The following CLYBL variants were observed in gnomAD, a reference collection of about 807,000 sequenced individuals.
CLYBL encodes citramalyl-CoA lyase, mitochondrial.
In CLYBL, 31 loss-of-function variants were observed where a neutral mutation model predicts 38.9. The observed-to-expected ratio is 0.80, with a 90% CI of 0.60 to 1.08. The LOEUF is 1.08. Among genes scored for constraint, CLYBL ranks in the 50% least tolerant of loss-of-function variants. The probability of loss-of-function intolerance (pLI) is 0.00; values close to 1 mark genes in which losing one functional copy is unlikely to be tolerated. For missense variants in CLYBL, 434 were observed against 411.6 expected, an observed-to-expected ratio of 1.05 and a Z score of -0.47; for synonymous variants, 171 against 158.6, an observed-to-expected ratio of 1.08 and a Z score of -0.59.
At chr13:99,792,707 G>C (rs1293415577) in intron 2 of CLYBL, among the ~76,000 whole-genome samples, 1 of 151,994 alleles carries the variant, frequency 6.6e-6, no homozygotes, top group African/African-American at 2.4e-5. Flanking sequence ...TGTAGAGAAG[G>C]GAGTGCAGCT....
At chr13:99,779,796 T>G (rs570473962) in intron 2 of CLYBL, among the ~76,000 whole-genome samples, 55 of 152,282 alleles carry the variant, frequency 3.6e-4, no homozygotes, top group Non-Finnish European at 2.2e-4. Flanking sequence ...TTTTTTCAAT[T>G]TATCTTTTTG....
intron 1 of CLYBL, among the ~76,000 whole-genome samples, chr13:99,668,157 C>T (rs1163618568): frequency 2.0e-5 from 3 of 152,006 alleles, no homozygotes; most frequent in Non-Finnish European, 4.4e-5. Context: ...GCCTGTAGTC[C>T]CAGCTACGTG....
intron 1 of CLYBL, among the ~76,000 whole-genome samples, chr13:99,738,989 G>C (rs1393271777): frequency 2.0e-5 from 3 of 152,164 alleles, no homozygotes; most frequent in African/African-American, 7.2e-5. Flanking sequence ...GGGTTGGTGT[G>C]TTTTGCCAAG....
At chr13:99,781,162 ATT>A (rs201351001) in intron 2 of CLYBL, among the ~76,000 whole-genome samples, 47,367 of 147,408 alleles carry the variant, frequency 0.32, 8,433 homozygotes, top group Middle Eastern at 0.43. Flanking sequence ...TTTATTATTT[ATT>A]TTTATTTATT....
chr13:99,645,219 G>T, intron 1 of CLYBL, among the ~76,000 whole-genome samples: 1 of 152,132 alleles, frequency 6.6e-6, no homozygotes, highest in East Asian at 1.9e-4. Flanking sequence ...ATTTTAGGCC[G>T]GGTGCAGTGG....
At chr13:99,830,702 G>A (rs1488879733) in intron 2 of CLYBL, among the ~76,000 whole-genome samples, 1 of 152,214 alleles carries the variant, frequency 6.6e-6, no homozygotes, top group East Asian at 1.9e-4. Context: ...GTAGAGAGGA[G>A]AGGGAGAGAT....
At chr13:99,884,545 A>G (rs527466007) in intron 7 of CLYBL, among the ~76,000 whole-genome samples, 1 of 152,226 alleles carries the variant, frequency 6.6e-6, no homozygotes, top group East Asian at 1.9e-4. Flanking sequence ...TTGCTTTTGG[A>G]GCAAACGTTC....
At chr13:99,682,485 G>A (rs1242099316) in intron 1 of CLYBL, among the ~76,000 whole-genome samples, 1 of 152,048 alleles carries the variant, frequency 6.6e-6, no homozygotes, top group Admixed American at 6.6e-5. Flanking sequence ...AACAGAAAAA[G>A]GGTACAGTAA....
intron 2 of CLYBL, among the ~76,000 whole-genome samples, chr13:99,833,124 C>G (rs1193238531): frequency 6.9e-6 from 1 of 145,668 alleles, no homozygotes; most frequent in African/African-American, 2.6e-5. Context: ...TCACTGCAAC[C>G]TCCACCTCCC....
At chr13:99,608,093 T>G (rs2046560168) in intron 1 of CLYBL, among the ~76,000 whole-genome samples, 1 of 111,384 alleles carries the variant, frequency 9.0e-6, no homozygotes, top group African/African-American at 3.8e-5. Context: ...TTTTCCGAGA[T>G]GGAGTTTCGC....
At chr13:99,680,004 C>T (rs1165892923) in intron 1 of CLYBL, among the ~76,000 whole-genome samples, 1 of 152,110 alleles carries the variant, frequency 6.6e-6, no homozygotes, top group African/African-American at 2.4e-5. Context: ...TTAATATAAA[C>T]ATTTAGGATG....
intron 1 of CLYBL, among the ~76,000 whole-genome samples, chr13:99,618,149 C>T (rs2046741679): frequency 6.6e-6 from 1 of 151,906 alleles, no homozygotes. Flanking sequence ...CTTGGCAGTG[C>T]CTGATATAAA....
At chr13:99,719,736 G>A (rs2139523213) in intron 1 of CLYBL, among the ~76,000 whole-genome samples, 1 of 152,050 alleles carries the variant, frequency 6.6e-6, no homozygotes, top group East Asian at 1.9e-4. Context: ...TCAAACTCCT[G>A]ACCTCAGACA....
intron 2 of CLYBL, among the ~76,000 whole-genome samples, chr13:99,777,495 T>C (rs58849195): frequency 1.8e-5 from 2 of 108,306 alleles, no homozygotes; most frequent in African/African-American, 3.2e-5. Flanking sequence ...TCTTTTCTTT[T>C]CTTTTTTTTT....
chr13:99,617,825 C>T (rs181573570), intron 1 of CLYBL, among the ~76,000 whole-genome samples: 23 of 152,320 alleles, frequency 1.5e-4, no homozygotes, highest in South Asian at 1.0e-3. Context: ...GCAGCCTCAC[C>T]GGCCTCCTCT....
intron 2 of CLYBL, among the ~76,000 whole-genome samples, chr13:99,779,330 A>T (rs1164651335): frequency 1.3e-5 from 2 of 152,096 alleles, no homozygotes; most frequent in Non-Finnish European, 2.9e-5. Flanking sequence ...TTTAGTAGAA[A>T]TGGGGTTTCA....
At chr13:99,866,198 C>T in intron 5 of CLYBL, 42 bp from the exon 6 acceptor site, 1 of 1,598,492 alleles carries the variant, frequency 6.3e-7, no homozygotes, top group Non-Finnish European at 8.5e-7. Flanking sequence ...GTGCGGTTTC[C>T]AAAGTTAAAG....
At chr13:99,701,678 A>T (rs2048069109) in intron 1 of CLYBL, among the ~76,000 whole-genome samples, 1 of 151,006 alleles carries the variant, frequency 6.6e-6, no homozygotes, top group South Asian at 2.1e-4. Flanking sequence ...TATTTATTTT[A>T]TTATTATTAT....
intron 8 of CLYBL, among the ~76,000 whole-genome samples, chr13:99,903,220 G>T (rs1177734896): frequency 3.5e-4 from 54 of 152,210 alleles, no homozygotes; most frequent in Non-Finnish European, 5.9e-5. Context: ...AATAAGGAGG[G>T]TTGCTAGGCA....
Sources: allele counts gnomAD v4.1 joint callset (sites outside exome capture counted in the v4.1 genomes callset), GRCh38; gene constraint gnomAD v4.1.1; transcripts MANE v1.5; gene names NCBI Gene and HGNC (gene_info 2026-07-23, HGNC 2026-07-21).